Variants in DLG5 observed in about 807,000 individuals in gnomAD.
DLG5 encodes discs large MAGUK scaffold protein 5.
DLG5 carries 48 observed loss-of-function variants against 189.8 expected under a neutral mutation model. That is an observed-to-expected ratio of 0.25 (90% CI 0.20 to 0.32). The LOEUF is 0.32. Among genes scored for constraint, DLG5 ranks in the 10% least tolerant of loss-of-function variants. The pLI, the probability that DLG5 is intolerant of heterozygous loss-of-function variation, is 1.00. For missense variants in DLG5, 2,160 were observed against 2,544.7 expected, an observed-to-expected ratio of 0.85 and a Z score of 3.25; for synonymous variants, 1,016 against 1,054.1, an observed-to-expected ratio of 0.96 and a Z score of 0.70.
intron 1 of DLG5, among the ~76,000 whole-genome samples, chr10:77,922,568 G>A (rs947469561): frequency 6.6e-6 from 1 of 152,132 alleles, no homozygotes; most frequent in East Asian, 1.9e-4. Context: ...TAGTGGGAAG[G>A]CCTAACCAGG....
intron 31 of DLG5, 46 bp from the exon 32 acceptor site, chr10:77,792,589 C>A: frequency 6.3e-7 from 1 of 1,590,968 alleles, no homozygotes; most frequent in Non-Finnish European, 8.6e-7. Context: ...AGAGTAAGAC[C>A]CCAGGTTTGA....
intron 13 of DLG5, 23 bp downstream of exon 13, chr10:77,828,859 C>G: frequency 6.3e-7 from 1 of 1,597,278 alleles, no homozygotes; most frequent in East Asian, 2.3e-5. Flanking sequence ...GCAGATGACC[C>G]TGGCTCCAGC....
intron 27 of DLG5, among the ~76,000 whole-genome samples, chr10:77,805,427 C>T (rs1487563824): frequency 6.6e-6 from 1 of 152,200 alleles, no homozygotes; most frequent in Non-Finnish European, 1.5e-5. Context: ...CTGCCTGAAA[C>T]AGGGACATGA....
intron 7 of DLG5, among the ~76,000 whole-genome samples, chr10:77,838,973 C>T (rs1463035769): frequency 6.6e-6 from 1 of 152,250 alleles, no homozygotes; most frequent in African/African-American, 2.4e-5. Context: ...GGAAAAGATC[C>T]CTGCCTCAGC....
rs765715283 is a variant in DLG5, at chr10:77,796,228, C to G, written c.5309-40G>C. On this transcript the variant is annotated intron_variant, in intron 28 of 31. Transcript: ENST00000372391. This position sits in a 1 kb window ranked among gnomAD's most constrained non-coding sequence, Gnocchi z 5.2. Reference sequence around the variant, plus strand: ...CACAGGAATCAGGGAGCCCCAGGCCCTGCTGAGCCCCAGCAGAGGGAGCAG... The same window carrying G: ...CACAGGAATCAGGGAGCCCCAGGCCGTGCTGAGCCCCAGCAGAGGGAGCAG... The G allele has an allele frequency of 6.2e-7, 1 of 1,613,398 alleles. No individual in the cohort carries two copies.
intron 18 of DLG5, 93 bp downstream of exon 18, chr10:77,817,684 G>A (rs1842128976): frequency 5.3e-6 from 6 of 1,121,796 alleles, no homozygotes; most frequent in Non-Finnish European, 5.1e-6. Context: ...GAGCTCGTGT[G>A]GGGAGCCCAC....
intron 1 of DLG5, among the ~76,000 whole-genome samples, chr10:77,919,203 A>C (rs1037802269): frequency 1.3e-5 from 2 of 152,096 alleles, no homozygotes; most frequent in Non-Finnish European, 2.9e-5. Flanking sequence ...GCGACAGAGC[A>C]AGGCTCCATC....
At chr10:77,795,084 C>G in intron 29 of DLG5, 126 bp from the exon 30 acceptor site, 1 of 688,680 alleles carries the variant, frequency 1.5e-6, no homozygotes, top group Non-Finnish European at 2.5e-6. Context: ...TAAAGCCACA[C>G]AGTACACCGT....
At chr10:77,825,391 C>G (rs1313485042) in intron 13 of DLG5, among the ~76,000 whole-genome samples, 2 of 150,970 alleles carry the variant, frequency 1.3e-5, no homozygotes, top group African/African-American at 4.9e-5. Context: ...CACACACACA[C>G]ACACACACAC....
chr10:77,833,996 T>A lies in DLG5; in HGVS notation c.1666A>T (p.Ser556Cys). ...CTGCGCAGGGCCTCAGCCAGCTCGC[T>A]CACCGCACGGTCCCGCTCCCGCCTC... ...NLRRERDRAV[S>C]ELAEALRSLD... Residue 556 changes from serine to cysteine, a missense_variant, in exon 9 of 32, where the codon AGC becomes TGC. By Grantham distance (112) the Ser-to-Cys change is moderately radical (BLOSUM62 -1). Transcript: ENST00000372391. 1 of 1,609,010 alleles carries A rather than the reference T, an allele frequency of 6.2e-7. No individual in the cohort carries two copies. Among genetic ancestry groups the A allele is most frequent in the Non-Finnish European group, 8.5e-7 (1 of 1,179,938 alleles).
rs765809476 is a variant in DLG5, at chr10:77,829,349, C to CGTAG, written c.2185+5_2185+6insCTAC. On this transcript the variant is annotated splice_donor_region_variant and intron_variant, in intron 12 of 31. Coordinates refer to ENST00000372391, the MANE Select transcript of DLG5 (RefSeq NM_004747.4). ...AGGCACTCTGCCATGTTCACAGGCC[C>CGTAG]GCTACCTTTCTGTCCACTGAGGTTG... 1.9e-6 allele frequency: 3 copies of CGTAG among 1,613,458 alleles called. No individual in the cohort carries two copies. The highest frequency in any genetic ancestry group is 2.5e-6 in the Non-Finnish European group (3 of 1,180,026).
At chr10:77,915,864 C>T (rs1475291953) in intron 1 of DLG5, among the ~76,000 whole-genome samples, 1 of 152,154 alleles carries the variant, frequency 6.6e-6, no homozygotes. Flanking sequence ...GATGTAAGTA[C>T]TGAAAACACA....
intron 7 of DLG5, among the ~76,000 whole-genome samples, chr10:77,838,714 G>A (rs576851608): frequency 4.6e-5 from 7 of 152,208 alleles, no homozygotes; most frequent in South Asian, 2.1e-4. Context: ...ATGGCTCTGC[G>A]GTGAGGGAGC....
upstream of DLG5, chr10:77,928,218 T>C (rs553507140): frequency 2.0e-4 from 30 of 152,320 alleles, no homozygotes; most frequent in African/African-American, 7.0e-4. Flanking sequence ...GGGAGAATAT[T>C]AGATCAGGGG....
At chr10:77,894,596 A>C (rs2154577705) in intron 1 of DLG5, among the ~76,000 whole-genome samples, 1 of 144,768 alleles carries the variant, frequency 6.9e-6, no homozygotes, top group South Asian at 2.2e-4. Context: ...CAGAATCCCA[A>C]GTAACCCTTT....
intron 20 of DLG5, among the ~76,000 whole-genome samples, chr10:77,814,697 C>T (rs1841966762): frequency 1.3e-5 from 2 of 151,810 alleles, no homozygotes; most frequent in South Asian, 4.2e-4. Context: ...GCCTCAGCCT[C>T]CTGAGTAGCA....
rs979568653 is a variant in DLG5 at position 77,853,257 on chromosome 10, C to T, written c.864+97G>A. On this transcript the variant is annotated intron_variant, in intron 5 of 31. Transcript: ENST00000372391. The stretch of plus-strand genomic sequence containing the variant: ...CGCTGGGATCACAGATGTGAGCCAA[C>T]GTGCCCGGCCCAGCATTTACTTCTC... 7.1e-5 allele frequency: 85 copies of T among 1,201,556 alleles called. 2 individuals are homozygous for T. The highest frequency in any genetic ancestry group is 4.2e-4 in the Middle Eastern group (2 of 4,766). The allele number at this position is 1,201,556 out of a possible 1,614,324, so 74.4% of individuals were successfully genotyped here.
At position 77,851,002 on chromosome 10, in the gene DLG5, G is replaced by A. The variant is rs538913482; in HGVS notation, c.864+2352C>T. On this transcript the variant is annotated intron_variant, in intron 5 of 31. Coordinates refer to ENST00000372391, the MANE Select transcript of DLG5 (RefSeq NM_004747.4). ...CGTAGACCAAGAAGAACAAACTGCCGGCAGGCAAAACAGCAAGAAAACAAA... is the reference window on the plus strand; with the variant it reads ...CGTAGACCAAGAAGAACAAACTGCCAGCAGGCAAAACAGCAAGAAAACAAA... Among the ~76,000 whole-genome samples the A allele has an allele frequency of 1.9e-3, 297 of 152,312 alleles. 1 individual carries two copies. Among genetic ancestry groups the A allele is most frequent in the African/African-American group, 6.9e-3 (288 of 41,572 alleles).
chr10:77,825,669 T>A (rs1194569072), intron 13 of DLG5, among the ~76,000 whole-genome samples: 1 of 151,900 alleles, frequency 6.6e-6, no homozygotes, highest in Non-Finnish European at 1.5e-5. Flanking sequence ...AATTCTCCTA[T>A]CTCAGTCTCC....
Sources: allele counts gnomAD v4.1 joint callset (sites outside exome capture counted in the v4.1 genomes callset), GRCh38; gene constraint gnomAD v4.1.1; non-coding constraint Gnocchi (gnomAD v3.1); transcripts MANE v1.5; gene names NCBI Gene and HGNC (gene_info 2026-07-23, HGNC 2026-07-21).